The following PTPRD variants were observed in gnomAD, a reference collection of about 807,000 sequenced individuals.
The protein encoded by PTPRD is receptor-type tyrosine-protein phosphatase delta.
Under a neutral mutation model 214.5 loss-of-function variants are expected in PTPRD, and 34 were observed. That is an observed-to-expected ratio of 0.16 (90% CI 0.12 to 0.21). The LOEUF (loss-of-function observed/expected upper bound fraction) is 0.21. Ranked by LOEUF, PTPRD falls within the 10% of genes least tolerant of loss-of-function variation. PTPRD has a pLI of 1.00. For missense variants in PTPRD, 2,545 were observed against 2,398.7 expected, an observed-to-expected ratio of 1.06 and a Z score of -1.27; for synonymous variants, 1,128 against 845.7, an observed-to-expected ratio of 1.33 and a Z score of -5.79.
chr9:10,385,440 CA>C (rs983703595), intron 2 of PTPRD, among the ~76,000 whole-genome samples: 1 of 151,538 alleles, frequency 6.6e-6, no homozygotes, highest in African/African-American at 2.4e-5. Flanking sequence ...ATTTATTCAG[CA>C]AAAAATGTAT....
intron 12 of PTPRD, among the ~76,000 whole-genome samples, chr9:8,638,295 T>A (rs1385852041): frequency 6.6e-6 from 1 of 152,122 alleles, no homozygotes; most frequent in Non-Finnish European, 1.5e-5. Flanking sequence ...ATCACCAGTA[T>A]CTTCTCTGTA....
intron 2 of PTPRD, among the ~76,000 whole-genome samples, chr9:10,402,191 T>G (rs1364034770): frequency 6.6e-6 from 1 of 151,658 alleles, no homozygotes; most frequent in African/African-American, 2.4e-5. Flanking sequence ...TAAATATTAT[T>G]TAGATATCTT....
chr9:9,020,770 T>A (rs115565126), intron 10 of PTPRD, among the ~76,000 whole-genome samples: 1,705 of 152,252 alleles, frequency 0.011, 33 homozygotes, highest in African/African-American at 0.04. Flanking sequence ...TGCCAGCATA[T>A]ATCTAAGAGA....
At chr9:10,507,863 C>G (rs144463775) in intron 2 of PTPRD, among the ~76,000 whole-genome samples, 1,786 of 152,220 alleles carry the variant, frequency 0.012, 40 homozygotes, top group African/African-American at 0.041. Flanking sequence ...AAAACCTAGG[C>G]AACACCATTC....
At chr9:8,976,016 A>G (rs977793785) in intron 11 of PTPRD, among the ~76,000 whole-genome samples, 13 of 152,022 alleles carry the variant, frequency 8.6e-5, no homozygotes, top group Admixed American at 2.6e-4. Context: ...ACTGTAAAAC[A>G]TCTGTAAGAT....
intron 44 of PTPRD, among the ~76,000 whole-genome samples, chr9:8,328,983 T>C (rs550797949): frequency 4.2e-4 from 64 of 152,318 alleles, no homozygotes; most frequent in African/African-American, 1.5e-3. Context: ...CATGGTCCCT[T>C]AGCTCGGAGG....
chr9:10,028,143 G>T (rs1225126413), intron 4 of PTPRD, among the ~76,000 whole-genome samples: 1 of 152,076 alleles, frequency 6.6e-6, no homozygotes, highest in African/African-American at 2.4e-5. Context: ...AAGATCTGAT[G>T]TTTTTTAAAA....
intron 2 of PTPRD, among the ~76,000 whole-genome samples, chr9:10,434,897 C>T (rs528860020): frequency 6.6e-6 from 1 of 151,980 alleles, no homozygotes; most frequent in African/African-American, 2.4e-5. Context: ...CTTTGCACTT[C>T]TTTAGTGCAT....
chr9:9,049,352 TTGCAAAAAG>T (rs1319680543), intron 10 of PTPRD, among the ~76,000 whole-genome samples: 3 of 152,184 alleles, frequency 2.0e-5, no homozygotes, highest in African/African-American at 7.2e-5. Flanking sequence ...AAAAACTGAA[TTGCAAAAAG>T]TGCAGTTTTG....
intron 12 of PTPRD, among the ~76,000 whole-genome samples, chr9:8,731,985 C>A (rs143423712): frequency 8.5e-4 from 129 of 152,202 alleles, no homozygotes; most frequent in African/African-American, 3.1e-3. Flanking sequence ...GCTGGTATCA[C>A]AAAACATACA....
At chr9:8,651,436 C>T (rs1305196496) in intron 12 of PTPRD, among the ~76,000 whole-genome samples, 1 of 152,126 alleles carries the variant, frequency 6.6e-6, no homozygotes, top group East Asian at 1.9e-4. Flanking sequence ...TTAATCGGAA[C>T]CTGGCACACG....
rs1366976935 is a variant in PTPRD at position 8,733,764 on chromosome 9, G to A, written c.64+16C>T. ...ATTATGGTCACAGCCCCCTAGAGAAGGGGAGAATGGCTTACTCTCAGCATC... is the reference window on the plus strand; with the variant it reads ...ATTATGGTCACAGCCCCCTAGAGAAAGGGAGAATGGCTTACTCTCAGCATC... On this transcript the variant is annotated intron_variant, in intron 12 of 45. Coordinates refer to ENST00000381196, the MANE Select transcript of PTPRD (RefSeq NM_002839.4). 2 of 1,551,802 alleles carry A rather than the reference G, an allele frequency of 1.3e-6. No individual in the cohort carries two copies. Among genetic ancestry groups the A allele is most frequent in the African/African-American group, 2.7e-5 (2 of 73,066 alleles).
chr9:9,213,116 A>G (rs939004132), intron 9 of PTPRD, among the ~76,000 whole-genome samples: 5 of 152,182 alleles, frequency 3.3e-5, no homozygotes, highest in African/African-American at 1.2e-4. Context: ...CTTATGTGAA[A>G]GTTCTAACTC....
At chr9:9,166,144 T>G (rs1209545329) in intron 10 of PTPRD, among the ~76,000 whole-genome samples, 1 of 151,542 alleles carries the variant, frequency 6.6e-6, no homozygotes, top group Non-Finnish European at 1.5e-5. Flanking sequence ...GTTTGATTTT[T>G]TTTTTTTTTT....
chr9:10,178,934 T>A (rs1486267850), intron 3 of PTPRD, among the ~76,000 whole-genome samples: 2 of 151,648 alleles, frequency 1.3e-5, no homozygotes, highest in Non-Finnish European at 2.9e-5. Context: ...AAGTAATAAA[T>A]ACAGGTGAGG....
chr9:10,557,967 C>T (rs1242586326), intron 2 of PTPRD, among the ~76,000 whole-genome samples: 1 of 152,148 alleles, frequency 6.6e-6, no homozygotes, highest in African/African-American at 2.4e-5. Context: ...GAGCCCAACA[C>T]ATGTGCTCTG....
intron 5 of PTPRD, among the ~76,000 whole-genome samples, chr9:9,925,310 T>C (rs2083887381): frequency 6.6e-6 from 1 of 152,024 alleles, no homozygotes; most frequent in South Asian, 2.1e-4. Context: ...CATATTTCCC[T>C]CTCCAGAAAA....
intron 7 of PTPRD, among the ~76,000 whole-genome samples, chr9:9,640,994 T>C (rs541470190): frequency 1.0e-4 from 13 of 130,202 alleles, no homozygotes; most frequent in Admixed American, 6.3e-4. Context: ...GCCTAACAGG[T>C]AGTGATACCT....
At chr9:9,694,464 G>C (rs889453930) in intron 7 of PTPRD, among the ~76,000 whole-genome samples, 24 of 152,006 alleles carry the variant, frequency 1.6e-4, no homozygotes, top group Admixed American at 1.6e-3. Context: ...GTTGATGCAA[G>C]CTCCTTTGTG....
Sources: gnomAD v4.1 joint callset for allele counts (sites outside exome capture counted in the v4.1 genomes callset) on GRCh38, gnomAD v4.1.1 for gene constraint, MANE v1.5 for transcripts, NCBI Gene and HGNC (gene_info 2026-07-23, HGNC 2026-07-21) for gene names.